The following DNM3 variants were observed in gnomAD, a reference collection of about 807,000 sequenced individuals.
DNM3 encodes dynamin 3.
Under a neutral mutation model 101.6 loss-of-function variants are expected in DNM3, and 47 were observed. The observed-to-expected ratio is 0.46, with a 90% CI of 0.37 to 0.59. The LOEUF is 0.59. Among genes scored for constraint, DNM3 ranks in the 20% least tolerant of loss-of-function variants. The pLI, the probability that DNM3 is intolerant of heterozygous loss-of-function variation, is 0.00. For synonymous variants in DNM3, 385 were observed against 387.9 expected (o/e 0.99, Z 0.09); for missense variants, 849 against 1,085.7 (o/e 0.78, Z 3.06).
chr1:171,906,513 A>G (rs1257098844), intron 1 of DNM3, among the ~76,000 whole-genome samples: 1 of 152,084 alleles, frequency 6.6e-6, no homozygotes. Context: ...AATAACTTGG[A>G]CAAGAAATGT....
chr1:172,133,321 T>C, intron 14 of DNM3: 5 of 1,012,204 alleles, frequency 4.9e-6, no homozygotes, highest in Non-Finnish European at 5.9e-6. Context: ...ACAAAATCAC[T>C]GCCCTTGTAG....
intron 17 of DNM3, among the ~76,000 whole-genome samples, chr1:172,340,134 A>T (rs961984689): frequency 1.3e-5 from 2 of 152,200 alleles, no homozygotes; most frequent in African/African-American, 4.8e-5. Context: ...GAGTCATAGT[A>T]TTTAAGGAGA....
At chr1:172,185,266 ATTTAGACTGTTTAC>A (rs1219270767) in intron 14 of DNM3, among the ~76,000 whole-genome samples, 1 of 152,122 alleles carries the variant, frequency 6.6e-6, no homozygotes, top group African/African-American at 2.4e-5. Flanking sequence ...AGAAATATGC[ATTTAGACTGTTTAC>A]TTTAGGTTTC....
At chr1:172,165,264 A>G (rs746813640) in intron 14 of DNM3, among the ~76,000 whole-genome samples, 1 of 152,112 alleles carries the variant, frequency 6.6e-6, no homozygotes, top group Non-Finnish European at 1.5e-5. Context: ...GTTTTTTTAG[A>G]AAGTGGAAAA....
chr1:172,307,905 A>G (rs1196843790), intron 15 of DNM3, among the ~76,000 whole-genome samples: 1 of 152,150 alleles, frequency 6.6e-6, no homozygotes, highest in Non-Finnish European at 1.5e-5. Flanking sequence ...TAGCATGAGG[A>G]GAAATACCTA....
chr1:171,911,921 T>A (rs2039342224), intron 1 of DNM3, among the ~76,000 whole-genome samples: 1 of 151,984 alleles, frequency 6.6e-6, no homozygotes, highest in South Asian at 2.1e-4. Context: ...ATGGGCTTCG[T>A]GGAGAGGGGC....
At chr1:172,356,944 A>G (rs2067483844) in intron 17 of DNM3, among the ~76,000 whole-genome samples, 1 of 152,072 alleles carries the variant, frequency 6.6e-6, no homozygotes, top group African/African-American at 2.4e-5. Flanking sequence ...TGTGAAAAAG[A>G]TACAAGAGGC....
At chr1:171,913,447 GA>G (rs527833701) in intron 1 of DNM3, among the ~76,000 whole-genome samples, 27 of 152,158 alleles carry the variant, frequency 1.8e-4, no homozygotes, top group South Asian at 4.1e-4. Context: ...ATAATTTAGA[GA>G]AAAAAAGTAA....
At chr1:172,337,892 TTTTATTTTATTTTATTTTATTTTATTTTA>T (rs1464893443) in intron 17 of DNM3, among the ~76,000 whole-genome samples, 1 of 137,406 alleles carries the variant, frequency 7.3e-6, no homozygotes, top group African/African-American at 2.7e-5. Context: ...TTTTATTTTA[TTTTATTTTATTTTATTTTATTTTATTTTA>T]TTTTATTATT....
chr1:172,123,697 G>T (rs182357113), intron 13 of DNM3, among the ~76,000 whole-genome samples: 6 of 152,322 alleles, frequency 3.9e-5, no homozygotes, highest in Non-Finnish European at 5.9e-5. Flanking sequence ...CCAGATCAAT[G>T]TGAGAAGTCA....
At chr1:171,860,288 T>C (rs1182698792) in intron 1 of DNM3, among the ~76,000 whole-genome samples, 2 of 152,184 alleles carry the variant, frequency 1.3e-5, no homozygotes, top group African/African-American at 4.8e-5. Context: ...AAGCTACTTT[T>C]TCAACTATAA....
At chr1:172,130,610 A>G (rs2056884823) in intron 13 of DNM3, among the ~76,000 whole-genome samples, 1 of 152,226 alleles carries the variant, frequency 6.6e-6, no homozygotes, top group Non-Finnish European at 1.5e-5. Context: ...AAGACTATTA[A>G]AAACTCCAAA....
intron 15 of DNM3, among the ~76,000 whole-genome samples, chr1:172,303,371 A>G (rs2064573574): frequency 6.6e-6 from 1 of 152,252 alleles, no homozygotes; most frequent in Non-Finnish European, 1.5e-5. Context: ...TCAAAGAAAT[A>G]TAGGACTGTG....
intron 1 of DNM3, among the ~76,000 whole-genome samples, chr1:171,882,068 C>T (rs776155376): frequency 6.6e-6 from 1 of 151,836 alleles, no homozygotes; most frequent in Non-Finnish European, 1.5e-5. Context: ...CTCTTGTGGC[C>T]GGGCATGGTG....
At chr1:172,203,933 T>A (rs1446752065) in intron 14 of DNM3, among the ~76,000 whole-genome samples, 1 of 152,186 alleles carries the variant, frequency 6.6e-6, no homozygotes, top group East Asian at 1.9e-4. Context: ...TGGATAAAAC[T>A]GTATGCCACA....
chr1:172,412,696 A>ATAAAT lies in DNM3; in HGVS notation c.*4858_*4862dup, dbSNP rs564979857. 22 of 985,838 alleles carry ATAAAT rather than the reference A, an allele frequency of 2.2e-5. No individual in the cohort carries two copies. The East Asian group carries it at 2.3e-3, about 102-fold the overall frequency. The allele number at this position is 985,838 out of a possible 1,614,324, so 61.1% of individuals were successfully genotyped here. A position where few individuals can be genotyped will look rare whatever the true frequency, so the allele number is the denominator to read the frequency against. ...GTGAAGCTGTATTTCTGAAGCTGAA[A>ATAAAT]TAAATTATAACATTTGAAGGACCCC... On this transcript the variant is annotated 3_prime_UTR_variant, in exon 21 of 21. Transcript: ENST00000627582.
chr1:172,121,132 G>C (rs1299419273), intron 13 of DNM3, among the ~76,000 whole-genome samples: 1 of 152,016 alleles, frequency 6.6e-6, no homozygotes, highest in Non-Finnish European at 1.5e-5. Context: ...ATTCTGTTTT[G>C]TATCATTTGG....
chr1:171,944,534 C>A (rs886464391), intron 2 of DNM3, among the ~76,000 whole-genome samples: 12 of 151,836 alleles, frequency 7.9e-5, no homozygotes, highest in African/African-American at 2.2e-4. Context: ...CCATCATGCC[C>A]AGCTAATTTT....
intron 1 of DNM3, among the ~76,000 whole-genome samples, chr1:171,854,610 G>T (rs2033378507): frequency 6.6e-6 from 1 of 151,954 alleles, no homozygotes; most frequent in Admixed American, 6.6e-5. Context: ...AAATCCTACT[G>T]GTTTACATGA....
Sources: gnomAD v4.1 joint callset for allele counts (sites outside exome capture counted in the v4.1 genomes callset) on GRCh38, gnomAD v4.1.1 for gene constraint, MANE v1.5 for transcripts, NCBI Gene and HGNC (gene_info 2026-07-23, HGNC 2026-07-21) for gene names.